Variants in MTREX observed in about 807,000 individuals in gnomAD.
The protein encoded by MTREX is exosome RNA helicase MTR4.
Under a neutral mutation model 135.4 loss-of-function variants are expected in MTREX, and 76 were observed. The ratio of observed to expected loss-of-function variants is 0.56; its 90% CI spans 0.47 to 0.68. MTREX has a LOEUF of 0.68. Ranked by LOEUF, MTREX falls within the 30% of genes least tolerant of loss-of-function variation. MTREX has a pLI of 0.00. For synonymous variants in MTREX, 404 were observed against 401.6 expected (o/e 1.01, Z -0.07); for missense variants, 920 against 1,262.1 (o/e 0.73, Z 4.11).
intron 13 of MTREX, among the ~76,000 whole-genome samples, 159 bp downstream of exon 13, chr5:55,351,188 A>G (rs1439918823): frequency 6.6e-6 from 1 of 152,210 alleles, no homozygotes; most frequent in Non-Finnish European, 1.5e-5. Context: ...GTTATACTTA[A>G]ATAAATCTTG....
intron 16 of MTREX, among the ~76,000 whole-genome samples, 156 bp downstream of exon 16, chr5:55,367,031 T>C (rs541602620): frequency 2.0e-5 from 3 of 152,310 alleles, no homozygotes; most frequent in East Asian, 1.9e-4. Flanking sequence ...TGTAACTGAA[T>C]AGAACATTTC....
intron 21 of MTREX, among the ~76,000 whole-genome samples, chr5:55,404,928 T>C (rs1579897426): frequency 6.6e-6 from 1 of 151,790 alleles, no homozygotes; most frequent in Admixed American, 6.6e-5. Flanking sequence ...CTCAGCCTCC[T>C]GAGTAGCTGG....
At chr5:55,313,471 T>A (rs1281759542) in intron 1 of MTREX, among the ~76,000 whole-genome samples, 2 of 152,106 alleles carry the variant, frequency 1.3e-5, no homozygotes, top group African/African-American at 4.8e-5. Flanking sequence ...TCATTCCTGC[T>A]GACAATTACA....
chr5:55,371,580 T>C (rs1427934924), intron 16 of MTREX, among the ~76,000 whole-genome samples: 1 of 152,150 alleles, frequency 6.6e-6, no homozygotes, highest in African/African-American at 2.4e-5. Context: ...AACTAGCTTC[T>C]TATACTAAAG....
rs555993590 is a variant in MTREX at position 55,341,939 on chromosome 5, A to T, written c.781+168A>T. On this transcript the variant is annotated intron_variant, in intron 7 of 26. Coordinates refer to ENST00000230640, the MANE Select transcript of MTREX (RefSeq NM_015360.5). ...CTATTTATTTTTGAAACAGAGTTTC[A>T]CTCTGTTGCCTAGGTTGAAGTGCAT... Among the ~76,000 whole-genome samples the T allele has an allele frequency of 2.0e-5, 3 of 152,004 alleles. No homozygotes were observed. The South Asian group carries it at 6.2e-4, about 32-fold the overall frequency.
chr5:55,386,318 T>G (rs1750481048), intron 18 of MTREX, among the ~76,000 whole-genome samples: 1 of 152,170 alleles, frequency 6.6e-6, no homozygotes, highest in South Asian at 2.1e-4. Flanking sequence ...GAAAAAGAAG[T>G]TCAGTTATAC....
At chr5:55,327,868 CACA>C in intron 4 of MTREX, 90 bp downstream of exon 4, 2 of 989,912 alleles carry the variant, frequency 2.0e-6, no homozygotes, top group South Asian at 2.8e-5. Flanking sequence ...TTATATTTCC[CACA>C]ACATGTATAT....
At chr5:55,342,059 C>T (rs922106837) in intron 7 of MTREX, among the ~76,000 whole-genome samples, 9 of 152,106 alleles carry the variant, frequency 5.9e-5, no homozygotes, top group African/African-American at 2.2e-4. Flanking sequence ...ACGTGTACCA[C>T]CATGTCTGGC....
At chr5:55,330,676 C>T (rs77773997) in intron 5 of MTREX, among the ~76,000 whole-genome samples, 1 of 149,902 alleles carries the variant, frequency 6.7e-6, no homozygotes, top group Non-Finnish European at 1.5e-5. Context: ...TTTTTTTTCC[C>T]ATGTTTCTTA....
At chr5:55,402,881 T>TAA (rs1750746931) in intron 21 of MTREX, among the ~76,000 whole-genome samples, 1 of 150,722 alleles carries the variant, frequency 6.6e-6, no homozygotes, top group Admixed American at 6.6e-5. Flanking sequence ...TGTATATATA[T>TAA]AATTTCTTTT....
intron 3 of MTREX, 126 bp from the exon 4 acceptor site, chr5:55,327,590 C>G (rs1306251862): frequency 1.4e-6 from 1 of 704,912 alleles, no homozygotes; most frequent in African/African-American, 1.8e-5. Context: ...GTGTCTGAGA[C>G]AGCTAAAGTT....
intron 11 of MTREX, 22 bp from the exon 12 acceptor site, chr5:55,349,551 G>A: frequency 7.6e-7 from 1 of 1,314,342 alleles, no homozygotes. Flanking sequence ...TGATATTTCT[G>A]TACCCTTGAA....
chr5:55,379,557 CT>C (rs1410967556), intron 18 of MTREX, among the ~76,000 whole-genome samples: 1 of 148,082 alleles, frequency 6.8e-6, no homozygotes, highest in Non-Finnish European at 1.5e-5. Flanking sequence ...TTTCCTTCCA[CT>C]CCCCAAATCT....
chr5:55,379,724 T>TTA (rs1750363337), intron 18 of MTREX, among the ~76,000 whole-genome samples: 1 of 152,302 alleles, frequency 6.6e-6, no homozygotes, highest in African/African-American at 2.4e-5. Flanking sequence ...TTAAATTCTC[T>TTA]TTTTATGTGG....
intron 8 of MTREX, 102 bp downstream of exon 8, chr5:55,343,557 T>TAAA: frequency 1.0e-6 from 1 of 975,582 alleles, no homozygotes; most frequent in Non-Finnish European, 1.5e-6. Context: ...TCCAGAATAA[T>TAAA]AAAAAAAACA....
At chr5:55,393,967 C>G (rs930791382) in intron 19 of MTREX, among the ~76,000 whole-genome samples, 1 of 152,098 alleles carries the variant, frequency 6.6e-6, no homozygotes, top group Non-Finnish European at 1.5e-5. Context: ...ATAGAATGGC[C>G]TTTGTAATCT....
At position 55,400,266 on chromosome 5, in the gene MTREX, T is replaced by A; in HGVS notation, c.2326T>A (p.Leu776Ile). 6.3e-7 allele frequency: 1 copy of A among 1,596,214 alleles called. No homozygotes were observed. Among genetic ancestry groups the A allele is most frequent in the Non-Finnish European group, 8.5e-7 (1 of 1,173,414 alleles). Residue 776 changes from leucine to isoleucine, a missense_variant, in exon 21 of 27, where the codon TTA (leucine) becomes ATA (isoleucine). Leu to Ile is a conservative substitution (Grantham distance 5). Around this residue, in one of 6 missense-constraint regions of MTREX, gnomAD observed 467 missense variants for 589.7 expected, o/e 0.79. Coordinates refer to ENST00000230640, the MANE Select transcript of MTREX (RefSeq NM_015360.5). Reference sequence around the variant, plus strand: ...GAAACGTTTTCCTGACGGCATCCCCTTATTAGACCCTATTGATGATATGGG... The same window carrying A: ...GAAACGTTTTCCTGACGGCATCCCCATATTAGACCCTATTGATGATATGGG... ...VQKRFPDGIP[L>I]LDPIDDMGIQ...
intron 16 of MTREX, among the ~76,000 whole-genome samples, chr5:55,369,031 A>C (rs1439564384): frequency 6.6e-6 from 1 of 152,040 alleles, no homozygotes; most frequent in African/African-American, 2.4e-5. Flanking sequence ...AAGAGATAGA[A>C]AAGTATGATT....
chr5:55,399,034 G>A (rs535448395), intron 20 of MTREX, among the ~76,000 whole-genome samples: 2 of 152,052 alleles, frequency 1.3e-5, no homozygotes, highest in Non-Finnish European at 2.9e-5. Context: ...CTTCAGAACC[G>A]CAATTTTAGT....
Sources: gnomAD v4.1 joint callset for allele counts (sites outside exome capture counted in the v4.1 genomes callset) on GRCh38, gnomAD v4.1.1 for gene constraint, gnomAD v4.1.1 regional missense constraint, MANE v1.5 for transcripts, NCBI Gene and HGNC (gene_info 2026-07-23, HGNC 2026-07-21) for gene names.